Variants in USP46 observed in about 807,000 individuals in gnomAD.
The protein encoded by USP46 is ubiquitin carboxyl-terminal hydrolase 46.
Under a neutral mutation model 44.4 loss-of-function variants are expected in USP46, and 12 were observed. The observed-to-expected ratio is 0.27, with a 90% CI of 0.17 to 0.44. The LOEUF is 0.44. USP46 is among the 20% of genes least tolerant of loss of function. The pLI, the probability that USP46 is intolerant of heterozygous loss-of-function variation, is 1.00. For synonymous variants in USP46, 155 were observed against 161.5 expected (o/e 0.96, Z 0.31); for missense variants, 248 against 444.8 (o/e 0.56, Z 3.98).
Position 52,654,396 on chromosome 4 carries a change from T to A in USP46, c.36+4719A>T, listed in dbSNP as rs557165170. 9.2e-5 allele frequency among the ~76,000 whole-genome samples: 14 copies of A among 152,394 alleles called. No homozygotes were observed. In the East Asian group the frequency reaches 2.7e-3, roughly 29 times the overall value. ...GACATATTTTTTAATAATTAAAAAG[T>A]TGTTTCCAACCATTCTCAAAATACT... is the stretch of plus-strand genomic sequence containing the variant. On this transcript the variant is annotated intron_variant, in intron 1 of 8. Transcript: ENST00000441222.
chr4:52,629,382 A>G (rs1448986368), intron 2 of USP46, among the ~76,000 whole-genome samples: 1 of 152,194 alleles, frequency 6.6e-6, no homozygotes, highest in Admixed American at 6.5e-5. Flanking sequence ...CAAACCTTAC[A>G]CAAACTAGGA....
intron 5 of USP46, among the ~76,000 whole-genome samples, chr4:52,610,280 T>C (rs1411208574): frequency 1.3e-5 from 2 of 152,120 alleles, no homozygotes; most frequent in Non-Finnish European, 2.9e-5. Flanking sequence ...ACCAATCACT[T>C]AACACTTTAC....
intron 4 of USP46, among the ~76,000 whole-genome samples, chr4:52,621,623 T>C (rs1257843012): frequency 6.6e-6 from 1 of 151,782 alleles, no homozygotes; most frequent in Non-Finnish European, 1.5e-5. Context: ...GTTACTACAC[T>C]CCAGCCTGGG....
At chr4:52,618,203 G>C (rs1717239684) in intron 4 of USP46, among the ~76,000 whole-genome samples, 1 of 152,006 alleles carries the variant, frequency 6.6e-6, no homozygotes, top group African/African-American at 2.4e-5. Flanking sequence ...GGGCAACATA[G>C]TGAGGCCCAG....
At chr4:52,618,784 C>T (rs1717265396) in intron 4 of USP46, among the ~76,000 whole-genome samples, 1 of 152,194 alleles carries the variant, frequency 6.6e-6, no homozygotes, top group Non-Finnish European at 1.5e-5. Context: ...CTGAGTATCA[C>T]ACCTCCCTCC....
intron 6 of USP46, among the ~76,000 whole-genome samples, chr4:52,603,992 A>G (rs1016344970): frequency 2.0e-5 from 3 of 152,014 alleles, no homozygotes; most frequent in Non-Finnish European, 4.4e-5. Flanking sequence ...GCCTCTAATC[A>G]CCTATTCTTA....
In USP46 at chr4:52,659,276, G is replaced by T. The variant is rs891638201; in HGVS notation, c.-126C>A. The T allele has an allele frequency of 8.4e-6, 9 of 1,065,306 alleles. No homozygotes were observed. The highest frequency in any genetic ancestry group is 1.2e-5 in the Non-Finnish European group (9 of 782,332). 66.0% of individuals were successfully genotyped at this position (1,065,306 alleles called of 1,614,324 possible). A position where few individuals can be genotyped will look rare whatever the true frequency, so the allele number is the denominator to read the frequency against. ...CGGCCTGGGGTCCGGCTTTCAGTTT[G>T]GCTGGGAGAGGGAGGCCGGGAGGAG... On this transcript the variant is annotated 5_prime_UTR_variant, in exon 1 of 9. Transcript: ENST00000441222. This position sits in a 1 kb window ranked among gnomAD's most constrained non-coding sequence, Gnocchi z 4.2.
intron 5 of USP46, among the ~76,000 whole-genome samples, chr4:52,605,901 G>A (rs1716669656): frequency 6.6e-6 from 1 of 152,310 alleles, no homozygotes; most frequent in East Asian, 1.9e-4. Context: ...CTTCCTCCCA[G>A]AGGCTTCCAT....
chr4:52,622,620 T>C (rs529131991), intron 4 of USP46, among the ~76,000 whole-genome samples: 5 of 152,182 alleles, frequency 3.3e-5, no homozygotes, highest in African/African-American at 9.7e-5. Context: ...GTAAGAAAGA[T>C]AGATGCTGCA....
In USP46 at chr4:52,610,478, A is replaced by C. The variant is rs1716898115; in HGVS notation, c.638+63T>G. The C allele has an allele frequency of 2.8e-6, 4 of 1,417,538 alleles. No individual in the cohort carries two copies. The South Asian group carries it at 3.6e-5, about 13-fold the overall frequency. The allele number at this position is 1,417,538 out of a possible 1,614,324, so 87.8% of individuals were successfully genotyped here. A position where few individuals can be genotyped will look rare whatever the true frequency, so the allele number is the denominator to read the frequency against. On this transcript the variant is annotated intron_variant, in intron 5 of 8. Transcript: ENST00000441222. ...AGATTATGTCCTGAAGAAATACAGG[A>C]TTTTCTCTCCCACTTAGTTACAAGC...
chr4:52,658,533 C>A (rs1719044325), intron 1 of USP46, among the ~76,000 whole-genome samples: 1 of 152,222 alleles, frequency 6.6e-6, no homozygotes, highest in Admixed American at 6.5e-5. Context: ...GAAACTGAGG[C>A]ATGCGGAGCA....
intron 1 of USP46, among the ~76,000 whole-genome samples, chr4:52,632,694 T>G (rs1322274586): frequency 1.3e-5 from 2 of 150,660 alleles, no homozygotes; most frequent in Non-Finnish European, 3.0e-5. Context: ...CACAAACCTG[T>G]AGTGCCAGCT....
rs1160141421 is a variant in USP46, at chr4:52,593,260, C to A, written c.*4380G>T. ...GTAGTGACAGGCCTGTCCTATAAAT[C>A]CCAGGACAAAGTGAGGCCTAGGAAA... is the stretch of plus-strand genomic sequence containing the variant. On this transcript the variant is annotated 3_prime_UTR_variant, in exon 9 of 9. Coordinates refer to ENST00000441222, the MANE Select transcript of USP46 (RefSeq NM_022832.4). 4 of 241,754 alleles carry A rather than the reference C, an allele frequency of 1.7e-5. No homozygotes were observed. Among genetic ancestry groups the A allele is most frequent in the Non-Finnish European group, 2.4e-5 (3 of 127,126 alleles). The allele number at this position is 241,754 out of a possible 1,614,324, so 15.0% of individuals were successfully genotyped here.
At chr4:52,611,806 G>A (rs927935043) in intron 4 of USP46, among the ~76,000 whole-genome samples, 8 of 152,098 alleles carry the variant, frequency 5.3e-5, no homozygotes, top group Non-Finnish European at 7.4e-5. Flanking sequence ...CAGGAGAATC[G>A]CTTGAAGCTG....
In USP46 at chr4:52,591,590, G is replaced by A; in HGVS notation, c.*6050C>T. The A allele has an allele frequency of 6.6e-6, 1 of 152,164 alleles. No individual in the cohort carries two copies. Among genetic ancestry groups the A allele is most frequent in the African/African-American group, 2.4e-5 (1 of 41,430 alleles). 9.4% of individuals were successfully genotyped at this position (152,164 alleles called of 1,614,324 possible). ...AATATATAGTTTATTATAATCATGT[G>A]GGAAGTAAGCACACAATTAGAAGTC... On this transcript the variant is annotated 3_prime_UTR_variant, in exon 9 of 9. Transcript: ENST00000441222.
intron 5 of USP46, among the ~76,000 whole-genome samples, chr4:52,608,420 T>C (rs565553278): frequency 6.6e-6 from 1 of 152,352 alleles, no homozygotes; most frequent in Admixed American, 6.5e-5. Flanking sequence ...CACACCAGGA[T>C]ATACTGACGA....
chr4:52,628,873 C>G (rs1440730906), intron 2 of USP46, among the ~76,000 whole-genome samples: 1 of 152,210 alleles, frequency 6.6e-6, no homozygotes, highest in Non-Finnish European at 1.5e-5. Flanking sequence ...AGCCTGCAAT[C>G]ACATTAGGGC....
At chr4:52,622,246 T>C (rs867654716) in intron 4 of USP46, among the ~76,000 whole-genome samples, 4 of 152,244 alleles carry the variant, frequency 2.6e-5, no homozygotes, top group African/African-American at 9.6e-5. Context: ...TTTATAGGTG[T>C]TGGGCATATG....
chr4:52,635,081 T>C (rs1013892541), intron 1 of USP46, among the ~76,000 whole-genome samples: 4 of 111,672 alleles, frequency 3.6e-5, no homozygotes, highest in African/African-American at 1.4e-4. Context: ...CTACTTCTTC[T>C]TTTTTTTTTT....
Sources: allele counts gnomAD v4.1 joint callset (sites outside exome capture counted in the v4.1 genomes callset), GRCh38; gene constraint gnomAD v4.1.1; non-coding constraint Gnocchi (gnomAD v3.1); transcripts MANE v1.5; gene names NCBI Gene and HGNC (gene_info 2026-07-23, HGNC 2026-07-21).